HAAO: variants seen among roughly 807,000 people sequenced by gnomAD.
HAAO encodes 3-hydroxyanthranilate 3,4-dioxygenase.
A neutral mutation model predicts 46.2 loss-of-function variants in HAAO; 49 were observed. The observed-to-expected ratio is 1.06, with a 90% CI of 0.84 to 1.34. HAAO has a LOEUF of 1.34. Among genes scored for constraint, HAAO ranks in the 40% most tolerant of loss-of-function variants. The probability of loss-of-function intolerance (pLI) is 0.00; values close to 1 mark genes in which losing one functional copy is unlikely to be tolerated. For synonymous variants in HAAO, 157 were observed against 145.2 expected (o/e 1.08, Z -0.58); for missense variants, 408 against 364.5 (o/e 1.12, Z -0.97).
intron 4 of HAAO, 138 bp downstream of exon 4, chr2:42,783,176 G>A: frequency 1.6e-6 from 1 of 616,460 alleles, no homozygotes; most frequent in East Asian, 2.8e-5. Flanking sequence ...CACTGCCTCT[G>A]CTGTGAGGCC....
chr2:42,774,660 T>C (rs1217982889), intron 4 of HAAO, among the ~76,000 whole-genome samples: 1 of 152,176 alleles, frequency 6.6e-6, no homozygotes, highest in Non-Finnish European at 1.5e-5. Context: ...GACCCATCCC[T>C]AGGTAAGTAG....
chr2:42,775,842 A>G (rs1573918710), intron 4 of HAAO, among the ~76,000 whole-genome samples: 1 of 141,836 alleles, frequency 7.1e-6, no homozygotes, highest in Admixed American at 7.3e-5. Flanking sequence ...TAAACTGCTT[A>G]CTTTTATATT....
At position 42,783,379 on chromosome 2, in the gene HAAO, C is replaced by T. The variant is rs140475049; in HGVS notation, c.285G>A (p.Arg95=). 546 of 1,613,518 alleles carry T rather than the reference C, an allele frequency of 3.4e-4. 1 individual carries two copies. In the African/African-American group the frequency reaches 5.2e-3, roughly 15 times the overall value. The part of the protein sequence containing the change: ...LPARVPHSPQ[R]FANTVGLVVE... ...CCACCAGCCCCACGGTGTTGGCAAA[C>T]CTCTGTGGTGAGTGGGGCACCCTGG... Residue 95 remains arginine (R), a synonymous_variant, in exon 4 of 10, where the codon AGG becomes AGA. Coordinates refer to ENST00000294973, the MANE Select transcript of HAAO (RefSeq NM_012205.3).
At chr2:42,782,658 G>A (rs185424040) in intron 4 of HAAO, 31 of 164,154 alleles carry the variant, frequency 1.9e-4, no homozygotes, top group Middle Eastern at 5.7e-3. Flanking sequence ...CCCCCCATTC[G>A]ATGCAAAGTT....
At position 42,767,432 on chromosome 2, in the gene HAAO, G is replaced by A. The variant is rs778641306; in HGVS notation, c.*5C>T. On this transcript the variant is annotated 3_prime_UTR_variant, in exon 10 of 10. Transcript: ENST00000294973. ...CTGTGGCTGCTTCAGGCCATGGCAA[G>A]AGGGTCACCCCAGGGGCTTCTTGCA... is the stretch of plus-strand genomic sequence containing the variant. 6.2e-7 allele frequency: 1 copy of A among 1,608,880 alleles called. No individual in the cohort carries two copies. The highest frequency in any genetic ancestry group is 8.5e-7 in the Non-Finnish European group (1 of 1,176,686).
intron 4 of HAAO, among the ~76,000 whole-genome samples, chr2:42,781,254 T>C (rs189414210): frequency 6.2e-4 from 95 of 152,316 alleles, no homozygotes; most frequent in African/African-American, 2.2e-3. Flanking sequence ...CAGGACACAA[T>C]TGGAGAAACT....
At chr2:42,772,480 C>T (rs1041283145) in intron 4 of HAAO, among the ~76,000 whole-genome samples, 1 of 119,402 alleles carries the variant, frequency 8.4e-6, no homozygotes, top group Non-Finnish European at 1.8e-5. Flanking sequence ...GACTCCATCT[C>T]AAAAAAAAAA....
chr2:42,788,966 TG>T, intron 1 of HAAO: 1 of 299,928 alleles, frequency 3.3e-6, no homozygotes, highest in East Asian at 7.6e-5. Context: ...CTTCCCAGGA[TG>T]GGGCAGTGTA....
At chr2:42,788,715 C>T in intron 1 of HAAO, 108 bp from the exon 2 acceptor site, 1 of 773,008 alleles carries the variant, frequency 1.3e-6, no homozygotes, top group Non-Finnish European at 2.3e-6. Flanking sequence ...GGGAGAGGAG[C>T]AGGGCTGTTT....
chr2:42,784,203 G>A (rs1485792796), intron 2 of HAAO, among the ~76,000 whole-genome samples: 1 of 152,116 alleles, frequency 6.6e-6, no homozygotes, highest in Non-Finnish European at 1.5e-5. Context: ...CCATTTACTG[G>A]GTGCCAGGGG....
intron 4 of HAAO, among the ~76,000 whole-genome samples, chr2:42,777,303 CAA>C (rs1215772853): frequency 1.5e-4 from 6 of 40,230 alleles, no homozygotes; most frequent in Non-Finnish European, 9.4e-5. Context: ...ACTCTTATCG[CAA>C]AAAAAAAAAA....
chr2:42,779,341 T>TG (rs1671819237), intron 4 of HAAO, among the ~76,000 whole-genome samples: 1 of 151,952 alleles, frequency 6.6e-6, no homozygotes, highest in African/African-American at 2.4e-5. Flanking sequence ...TTTTTTTTTT[T>TG]GAGACAGAGT....
chr2:42,788,689 G>C, intron 1 of HAAO, 82 bp from the exon 2 acceptor site: 1 of 888,116 alleles, frequency 1.1e-6, no homozygotes, highest in East Asian at 2.4e-5. Flanking sequence ...GGCCAGGAGG[G>C]AGCCTGAGGG....
At chr2:42,782,037 C>T (rs377165455) in intron 4 of HAAO, among the ~76,000 whole-genome samples, 1 of 152,146 alleles carries the variant, frequency 6.6e-6, no homozygotes, top group African/African-American at 2.4e-5. Flanking sequence ...AGATTCTAGT[C>T]TTGCCTAATG....
Position 42,769,775 on chromosome 2 carries a change from G to A in HAAO, c.568C>T (p.His190Tyr). Residue 190 changes from histidine to tyrosine, a missense_variant, in exon 7 of 10, where the codon CAC becomes TAC. Physicochemically the swap from His to Tyr is moderately conservative, Grantham distance 83. Transcript: ENST00000294973. Reference sequence around the variant, plus strand: ...GTGCCTGCCTGCAGCTCCCTGTGGTGGCTGTCCAGCCAGGCATCCAGGGAC... The same window carrying A: ...GTGCCTGCCTGCAGCTCCCTGTGGTAGCTGTCCAGCCAGGCATCCAGGGAC... ...PMSLDAWLDSHHRELQAGTPL... is the reference protein window; with the variant it reads ...PMSLDAWLDSYHRELQAGTPL... 2 of 1,614,012 alleles carry A rather than the reference G, an allele frequency of 1.2e-6. No homozygotes were observed. The highest frequency in any genetic ancestry group is 4.5e-5 in the East Asian group (2 of 44,886).
Position 42,771,649 on chromosome 2 carries a change from C to G in HAAO, c.351-1067G>C, listed in dbSNP as rs72801651. On this transcript the variant is annotated intron_variant, in intron 4 of 9. Coordinates refer to ENST00000294973, the MANE Select transcript of HAAO (RefSeq NM_012205.3). ...CCCCAGCCTGGCTCAGTGAGCTCCTCCCCCGGCCTGAGGAGCACCTGGCAG... is the reference window on the plus strand; with the variant it reads ...CCCCAGCCTGGCTCAGTGAGCTCCTGCCCCGGCCTGAGGAGCACCTGGCAG... Among the ~76,000 whole-genome samples the G allele has an allele frequency of 7.2e-3, 1,104 of 152,344 alleles. 9 individuals carry two copies. Among genetic ancestry groups the G allele is most frequent in the Admixed American group, 0.015 (229 of 15,302 alleles).
intron 2 of HAAO, 94 bp downstream of exon 2, chr2:42,788,435 A>G: frequency 1.2e-6 from 1 of 821,770 alleles, no homozygotes; most frequent in South Asian, 1.4e-5. Flanking sequence ...TCTCCAGTCC[A>G]TCATCTCTGG....
At chr2:42,771,886 C>G (rs1671155820) in intron 4 of HAAO, among the ~76,000 whole-genome samples, 1 of 152,272 alleles carries the variant, frequency 6.6e-6, no homozygotes, top group Non-Finnish European at 1.5e-5. Context: ...TGGGATGGAG[C>G]TGGCCACCAG....
At chr2:42,789,898 G>A (rs940088995) in intron 1 of HAAO, among the ~76,000 whole-genome samples, 1 of 152,250 alleles carries the variant, frequency 6.6e-6, no homozygotes, top group Admixed American at 6.5e-5. Context: ...GCAGCAGAAT[G>A]TGTCTGTGTA....
Sources: allele counts gnomAD v4.1 joint callset (sites outside exome capture counted in the v4.1 genomes callset), GRCh38; gene constraint gnomAD v4.1.1; transcripts MANE v1.5; gene names NCBI Gene and HGNC (gene_info 2026-07-23, HGNC 2026-07-21).